Variants in KCNMA1 observed in about 807,000 individuals in gnomAD.
The protein encoded by KCNMA1 is Calcium-activated potassium channel subunit alpha-1.
Under a neutral mutation model 140.0 loss-of-function variants are expected in KCNMA1, and 29 were observed. The observed-to-expected ratio is 0.21, with a 90% CI of 0.15 to 0.28. KCNMA1 has a LOEUF of 0.28. Ranked by LOEUF, KCNMA1 falls within the 10% of genes least tolerant of loss-of-function variation. KCNMA1 has a pLI of 1.00. For missense variants in KCNMA1, 880 were observed against 1,602.2 expected (o/e 0.55, Z 7.70); for synonymous variants, 612 against 611.9 (o/e 1.00, Z 0.00).
rs537451088 is a variant in KCNMA1 at position 77,188,082 on chromosome 10, C to A, written c.603-3166G>T. Among the ~76,000 whole-genome samples the A allele has an allele frequency of 3.9e-5, 6 of 152,216 alleles. No homozygotes were observed. In the South Asian group the frequency reaches 1.2e-3, roughly 32 times the overall value. ...TAGGATGGAGAATGAAATACAAACACCTCTCCCTTCTTGTGTAAAGTAGGA... is the reference window on the plus strand; with the variant it reads ...TAGGATGGAGAATGAAATACAAACAACTCTCCCTTCTTGTGTAAAGTAGGA... On this transcript the variant is annotated intron_variant, in intron 3 of 27. Coordinates refer to ENST00000286628, the MANE Select transcript of KCNMA1 (RefSeq NM_001161352.2).
chr10:77,280,143 T>C (rs1363514662), intron 2 of KCNMA1, among the ~76,000 whole-genome samples: 1 of 152,158 alleles, frequency 6.6e-6, no homozygotes, highest in Non-Finnish European at 1.5e-5. Flanking sequence ...ATGGTGTGCT[T>C]ATCTTGAAAT....
chr10:76,953,969 A>G, intron 20 of KCNMA1, 45 bp from the exon 21 acceptor site: 1 of 1,607,448 alleles, frequency 6.2e-7, no homozygotes, highest in Non-Finnish European at 8.5e-7. Flanking sequence ...AATGTGATAA[A>G]TTATAAATGG....
At chr10:77,012,300 T>G (rs1363829317) in intron 17 of KCNMA1, 6 of 1,462,560 alleles carry the variant, frequency 4.1e-6, no homozygotes, top group Non-Finnish European at 5.4e-6. Flanking sequence ...AAAAAGTTGC[T>G]GATGTGACAC....
At chr10:77,634,416 A>G in intron 1 of KCNMA1, 1 of 985,476 alleles carries the variant, frequency 1.0e-6, no homozygotes, top group Non-Finnish European at 1.2e-6. Flanking sequence ...GGCCAAAGGT[A>G]CTAATGAAGA....
chr10:77,264,125 T>G (rs1183768540), intron 2 of KCNMA1, among the ~76,000 whole-genome samples: 1 of 152,156 alleles, frequency 6.6e-6, no homozygotes, highest in African/African-American at 2.4e-5. Flanking sequence ...CATAAACCTC[T>G]GCATGTGTAT....
At chr10:77,179,122 G>A (rs11002068) in intron 5 of KCNMA1, among the ~76,000 whole-genome samples, 9,923 of 152,262 alleles carry the variant, frequency 0.065, 369 homozygotes, top group South Asian at 0.13. Flanking sequence ...TACGTGCTGT[G>A]CTACTCACAT....
chr10:77,147,546 C>T (rs2098329175), intron 5 of KCNMA1: 2 of 152,210 alleles, frequency 1.3e-5, no homozygotes. Flanking sequence ...AAGTCACCAT[C>T]CTCTTGGACC....
chr10:76,935,676 A>G (rs2060376451), intron 23 of KCNMA1, among the ~76,000 whole-genome samples: 3 of 152,188 alleles, frequency 2.0e-5, no homozygotes, highest in Admixed American at 6.5e-5. Flanking sequence ...TTGAGGAGTA[A>G]ACTGGCATGT....
At chr10:77,060,016 G>A (rs891081233) in intron 14 of KCNMA1, among the ~76,000 whole-genome samples, 3 of 152,094 alleles carry the variant, frequency 2.0e-5, no homozygotes, top group East Asian at 1.9e-4. Context: ...AACATGTACA[G>A]AATCTTGATG....
At chr10:77,489,930 C>T (rs1390801791) in intron 1 of KCNMA1, among the ~76,000 whole-genome samples, 2 of 152,238 alleles carry the variant, frequency 1.3e-5, no homozygotes, top group African/African-American at 2.4e-5. Flanking sequence ...ACTCCCCCTT[C>T]CTGGTGGTCA....
intron 2 of KCNMA1, among the ~76,000 whole-genome samples, chr10:77,260,268 A>G (rs549647228): frequency 3.3e-5 from 5 of 152,308 alleles, no homozygotes; most frequent in African/African-American, 1.2e-4. Context: ...CCATCCCTGA[A>G]TAGGGGGAGG....
rs2097238435 is a variant in KCNMA1, at chr10:77,108,235, G to T, written c.1223+246C>A. 7.3e-7 allele frequency: 1 copy of T among 1,365,454 alleles called. No individual in the cohort carries two copies. The highest frequency in any genetic ancestry group is 2.5e-5 in the East Asian group (1 of 39,938). The allele number at this position is 1,365,454 out of a possible 1,614,324, so 84.6% of individuals were successfully genotyped here. A position where few individuals can be genotyped will look rare whatever the true frequency, so the allele number is the denominator to read the frequency against. ...GCAGAATTCAGATGGCACCTCCACA[G>T]GGACTCCTGAAAGTCACTCAACCAC... is the stretch of plus-strand genomic sequence containing the variant. On this transcript the variant is annotated intron_variant, in intron 9 of 27. Coordinates refer to ENST00000286628, the MANE Select transcript of KCNMA1 (RefSeq NM_001161352.2). The surrounding 1 kb of genome is among the most constrained non-coding windows in gnomAD (Gnocchi z 4.6).
At chr10:77,326,903 A>G (rs557734329) in intron 2 of KCNMA1, among the ~76,000 whole-genome samples, 1 of 152,116 alleles carries the variant, frequency 6.6e-6, no homozygotes, top group East Asian at 1.9e-4. Context: ...GTTATTAGTG[A>G]GACTAGTCCA....
At chr10:77,146,911 C>G (rs1301162791) in intron 5 of KCNMA1, among the ~76,000 whole-genome samples, 1 of 151,966 alleles carries the variant, frequency 6.6e-6, no homozygotes, top group African/African-American at 2.4e-5. Context: ...TGGATTGGTC[C>G]CCATTGAAAT....
At chr10:76,973,162 T>C (rs1466641830) in intron 19 of KCNMA1, 1 of 152,014 alleles carries the variant, frequency 6.6e-6, no homozygotes, top group Non-Finnish European at 1.5e-5. Context: ...ATCTATGGCA[T>C]TTTCACTTGC....
intron 1 of KCNMA1, among the ~76,000 whole-genome samples, chr10:77,507,337 G>A (rs779640903): frequency 3.9e-5 from 6 of 152,152 alleles, no homozygotes; most frequent in Non-Finnish European, 7.3e-5. Flanking sequence ...GAAGAGCAAC[G>A]TGGAGATGAC....
Position 77,093,222 on chromosome 10 carries a change from G to A in KCNMA1, c.1224-2712C>T, listed in dbSNP as rs187031904. ...TGGAGAGCTGTCTTTATCAAAAAAG[G>A]AAGAAAAAAAACCTTCCTTCAACGT... is the stretch of plus-strand genomic sequence containing the variant. On this transcript the variant is annotated intron_variant, in intron 9 of 27. Coordinates refer to ENST00000286628, the MANE Select transcript of KCNMA1 (RefSeq NM_001161352.2). Among the ~76,000 whole-genome samples the A allele has an allele frequency of 1.3e-3, 201 of 151,964 alleles. 1 individual carries two copies. Among genetic ancestry groups the A allele is most frequent in the Middle Eastern group, 3.4e-3 (1 of 292 alleles).
downstream of KCNMA1, chr10:76,874,274 G>A (rs1419512560): frequency 1.3e-5 from 2 of 152,202 alleles, no homozygotes; most frequent in Non-Finnish European, 2.9e-5. Context: ...GAGTAAGGCT[G>A]GGAGTGTTGC....
chr10:77,599,678 T>C (rs530626015), intron 1 of KCNMA1, among the ~76,000 whole-genome samples: 9 of 152,234 alleles, frequency 5.9e-5, no homozygotes, highest in Non-Finnish European at 1.2e-4. Context: ...CTGGATCATA[T>C]TGAATGTCAT....
Sources: allele counts gnomAD v4.1 joint callset (sites outside exome capture counted in the v4.1 genomes callset), GRCh38; gene constraint gnomAD v4.1.1; non-coding constraint Gnocchi (gnomAD v3.1); transcripts MANE v1.5; gene names NCBI Gene and HGNC (gene_info 2026-07-23, HGNC 2026-07-21).